The following MAPRE2 variants were observed in gnomAD, a reference collection of about 807,000 sequenced individuals.
MAPRE2 encodes the protein microtubule-associated protein RP/EB family member 2.
A neutral mutation model predicts 43.2 loss-of-function variants in MAPRE2; 13 were observed. The observed-to-expected ratio is 0.30, with a 90% confidence interval of 0.20 to 0.48. The LOEUF (loss-of-function observed/expected upper bound fraction) is 0.48. Ranked by LOEUF, MAPRE2 falls within the 20% of genes least tolerant of loss-of-function variation. MAPRE2 has a pLI of 0.99. For missense variants in MAPRE2, 161 were observed against 400.2 expected (o/e 0.40, Z 5.10); for synonymous variants, 135 against 148.8 (o/e 0.91, Z 0.68).
At chr18:35,122,539 A>T (rs1413032356) in intron 4 of MAPRE2, among the ~76,000 whole-genome samples, 1 of 152,216 alleles carries the variant, frequency 6.6e-6, no homozygotes, top group Non-Finnish European at 1.5e-5. Context: ...TAAATATCAA[A>T]TACTAGTTAC....
chr18:35,030,200 GA>G (rs2097047162), intron 2 of MAPRE2, among the ~76,000 whole-genome samples: 1 of 151,818 alleles, frequency 6.6e-6, no homozygotes, highest in African/African-American at 2.4e-5. Context: ...CACCCTCATG[GA>G]TACTGCTATC....
intron 4 of MAPRE2, among the ~76,000 whole-genome samples, chr18:35,118,479 G>T (rs1258961885): frequency 6.6e-6 from 1 of 152,172 alleles, no homozygotes; most frequent in Non-Finnish European, 1.5e-5. Context: ...CTGTTCTGTA[G>T]GGTACAGAAT....
chr18:34,978,331 G>C (rs1177054889), intron 1 of MAPRE2: 5 of 656,466 alleles, frequency 7.6e-6, no homozygotes, highest in African/African-American at 3.7e-5. Flanking sequence ...ACCCGCGCCC[G>C]CGCGCACCGA....
At chr18:35,098,648 G>C (rs949499971) in intron 3 of MAPRE2, among the ~76,000 whole-genome samples, 1 of 152,010 alleles carries the variant, frequency 6.6e-6, no homozygotes, top group Non-Finnish European at 1.5e-5. Context: ...CTTTCCATAT[G>C]TATTTAAAAC....
chr18:35,074,279 G>T (rs577971958), intron 2 of MAPRE2, among the ~76,000 whole-genome samples: 8 of 151,878 alleles, frequency 5.3e-5, no homozygotes, highest in African/African-American at 1.7e-4. Context: ...GGGCAGGGGG[G>T]TGATAGGGAA....
At chr18:35,114,896 A>T (rs1001698537) in intron 4 of MAPRE2, among the ~76,000 whole-genome samples, 1 of 152,206 alleles carries the variant, frequency 6.6e-6, no homozygotes, top group African/African-American at 2.4e-5. Context: ...ATCAGATTTT[A>T]CTTCTCAGCC....
At chr18:35,095,457 G>C (rs575947490) in intron 2 of MAPRE2, among the ~76,000 whole-genome samples, 1 of 150,052 alleles carries the variant, frequency 6.7e-6, no homozygotes, top group African/African-American at 2.5e-5. Context: ...AGAATATTTC[G>C]AGTGGTTCTC....
rs990378732 is a variant in MAPRE2, at chr18:35,120,568, T to G, written c.611-6380T>G. Reference sequence around the variant, plus strand: ...TTTTGAAGGAAAGACTAGGTCAATATAACTTGAATTTGCAGTAATCAGAAT... The same window carrying G: ...TTTTGAAGGAAAGACTAGGTCAATAGAACTTGAATTTGCAGTAATCAGAAT... On this transcript the variant is annotated intron_variant, in intron 4 of 6. Transcript: ENST00000300249. Among the ~76,000 whole-genome samples, 5 of 152,160 alleles carry G rather than the reference T, an allele frequency of 3.3e-5. No homozygotes were observed. The South Asian group carries it at 6.2e-4, about 19-fold the overall frequency.
chr18:35,007,219 G>A (rs1908913097), intron 2 of MAPRE2, among the ~76,000 whole-genome samples: 2 of 152,298 alleles, frequency 1.3e-5, no homozygotes, highest in Non-Finnish European at 2.9e-5. Context: ...TGTCGGGTCT[G>A]TATGAGGCAA....
chr18:35,084,499 G>C (rs1907781140), intron 2 of MAPRE2, among the ~76,000 whole-genome samples: 1 of 152,120 alleles, frequency 6.6e-6, no homozygotes, highest in African/African-American at 2.4e-5. Context: ...TAATTAATCT[G>C]CTGATGCTCT....
chr18:35,062,876 C>T (rs116654695), intron 1 of MAPRE2, among the ~76,000 whole-genome samples: 193 of 152,262 alleles, frequency 1.3e-3, no homozygotes, highest in African/African-American at 4.5e-3. Context: ...CTAGTCTGCT[C>T]GTTGTTTCAT....
chr18:35,010,872 G>A lies in MAPRE2; in HGVS notation c.-8+5319G>A, dbSNP rs1209551136. ...ATAGAGAGGTAGATGGTTAGATAAA[G>A]AAAATATGGCTAAATGTTAACAATT... is the stretch of plus-strand genomic sequence containing the variant. On this transcript the variant is annotated intron_variant, in intron 2 of 7. Coordinates refer to the MAPRE2 transcript ENST00000413393. 2.0e-5 allele frequency among the ~76,000 whole-genome samples: 3 copies of A among 152,178 alleles called. No homozygotes were observed. The South Asian group carries it at 6.2e-4, about 31-fold the overall frequency.
intron 1 of MAPRE2, among the ~76,000 whole-genome samples, chr18:35,067,056 A>T (rs750194038): frequency 2.6e-5 from 4 of 152,220 alleles, no homozygotes; most frequent in Non-Finnish European, 5.9e-5. Flanking sequence ...CTTATTCTTA[A>T]TCTGTCTTCT....
chr18:35,109,057 G>A (rs1002414295), intron 4 of MAPRE2, among the ~76,000 whole-genome samples: 1 of 152,136 alleles, frequency 6.6e-6, no homozygotes, highest in Non-Finnish European at 1.5e-5. Context: ...CCATGCCTAT[G>A]TCCTGAATGG....
chr18:34,996,979 G>T (rs1048246347), intron 1 of MAPRE2, among the ~76,000 whole-genome samples: 6 of 152,112 alleles, frequency 3.9e-5, no homozygotes, highest in African/African-American at 1.4e-4. Flanking sequence ...AGCTTCCTGA[G>T]CCTCAGTTTC....
At chr18:35,099,421 C>G (rs1488716670) in intron 3 of MAPRE2, among the ~76,000 whole-genome samples, 1 of 152,134 alleles carries the variant, frequency 6.6e-6, no homozygotes, top group Admixed American at 6.5e-5. Context: ...TCCAGACCAG[C>G]CTGGTCAACA....
intron 1 of MAPRE2, among the ~76,000 whole-genome samples, chr18:35,052,158 GA>G (rs1253156477): frequency 1.3e-5 from 2 of 152,120 alleles, no homozygotes; most frequent in Admixed American, 6.5e-5. Flanking sequence ...TGTCCACCCT[GA>G]AGCCATCACC....
intron 2 of MAPRE2, among the ~76,000 whole-genome samples, chr18:35,031,990 T>G (rs1006800953): frequency 1.3e-5 from 2 of 152,146 alleles, no homozygotes; most frequent in African/African-American, 4.8e-5. Context: ...TGAAAGGTAG[T>G]GAGGAAGAAC....
intron 2 of MAPRE2, among the ~76,000 whole-genome samples, chr18:35,029,688 G>A (rs999991293): frequency 3.7e-4 from 57 of 152,206 alleles, no homozygotes; most frequent in African/African-American, 1.4e-3. Flanking sequence ...AGTACTTGGA[G>A]TCTCTTCATT....
Sources: allele counts gnomAD v4.1 joint callset (sites outside exome capture counted in the v4.1 genomes callset), GRCh38; gene constraint gnomAD v4.1.1; transcripts MANE v1.5; gene names NCBI Gene and HGNC (gene_info 2026-07-23, HGNC 2026-07-21).